The following CNTNAP3 variants were observed in gnomAD, a reference collection of about 807,000 sequenced individuals.
CNTNAP3 encodes contactin associated protein family member 3.
In CNTNAP3, 36 loss-of-function variants were observed where a neutral mutation model predicts 92.1. That is an observed-to-expected ratio of 0.39 (90% confidence interval 0.30 to 0.52). The LOEUF (loss-of-function observed/expected upper bound fraction) is 0.52, where lower values mean the gene tolerates loss of function less well. Among genes scored for constraint, CNTNAP3 ranks in the 20% least tolerant of loss-of-function variants. The pLI is 0.76. For synonymous variants in CNTNAP3, 232 were observed against 422.3 expected (o/e 0.55, Z 5.53); for missense variants, 534 against 1,069.6 (o/e 0.50, Z 6.98).
At position 39,085,751 on chromosome 9, in the gene CNTNAP3, A is replaced by C; in HGVS notation, c.3427T>G (p.Leu1143Val). ...TCCTACTTACCTAAAACCTTTCCCA[A>C]TATGAGAGATTTGACGGCGTTGAAT... Reference protein sequence around the residue: ...TEFNAVKSLILGKVLEAAGAD... With the variant: ...TEFNAVKSLIVGKVLEAAGAD... The change falls in exon 21 of 24, where the codon TTG (leucine) becomes GTG (valine). Residue 1143 changes from leucine to valine, a missense_variant. Coordinates refer to ENST00000297668, the MANE Select transcript of CNTNAP3 (RefSeq NM_033655.5). 2.6e-6 allele frequency: 4 copies of C among 1,555,566 alleles called. 1 individual carries two copies. Among genetic ancestry groups the C allele is most frequent in the Non-Finnish European group, 3.5e-6 (4 of 1,141,778 alleles).
At position 39,149,898 on chromosome 9, in the gene CNTNAP3, A is replaced by T; in HGVS notation, c.1557T>A (p.Ile519=). 1.2e-6 allele frequency: 2 copies of T among 1,607,736 alleles called. No individual in the cohort carries two copies. Among genetic ancestry groups the T allele is most frequent in the Non-Finnish European group, 1.7e-6 (2 of 1,178,316 alleles). Residue 519 remains isoleucine, a synonymous_variant, in exon 10 of 24, where the codon ATT becomes ATA. Transcript: ENST00000297668. Reference sequence around the variant, plus strand: ...AGATGGGATCCACCGCTTTGTCACCAATGGTGATGAGCCTTAGGCAGCCCT... The same window carrying T: ...AGATGGGATCCACCGCTTTGTCACCTATGGTGATGAGCCTTAGGCAGCCCT... ...GFQGCLRLIT[I]GDKAVDPILV...
intron 14 of CNTNAP3, among the ~76,000 whole-genome samples, chr9:39,111,062 C>CA (rs1826736888): frequency 6.6e-6 from 1 of 152,060 alleles, no homozygotes; most frequent in South Asian, 2.1e-4. Context: ...ATTGGCATGT[C>CA]AGAGTTGTAC....
chr9:39,114,218 G>A lies in CNTNAP3; in HGVS notation c.2237+3885C>T, dbSNP rs548639933. Among the ~76,000 whole-genome samples, 56 of 151,672 alleles carry A rather than the reference G, an allele frequency of 3.7e-4. No homozygotes were observed. In the East Asian group the frequency reaches 6.0e-3, roughly 16 times the overall value. ...CTGCCTCAGCCTCCCGAGTAGCTGG[G>A]ACTACAGGCGCCCACCACCATGCCT... is the stretch of plus-strand genomic sequence containing the variant. On this transcript the variant is annotated intron_variant, in intron 14 of 23. Coordinates refer to ENST00000297668, the MANE Select transcript of CNTNAP3 (RefSeq NM_033655.5).
chr9:39,141,466 G>A (rs537810890), intron 11 of CNTNAP3, among the ~76,000 whole-genome samples: 85 of 152,224 alleles, frequency 5.6e-4, no homozygotes, highest in African/African-American at 2.0e-3. Flanking sequence ...TAAGTATTTT[G>A]CAAGTGACAA....
chr9:39,113,113 C>A (rs1179292910), intron 14 of CNTNAP3, among the ~76,000 whole-genome samples: 1 of 151,940 alleles, frequency 6.6e-6, no homozygotes, highest in African/African-American at 2.4e-5. Context: ...TTAGCAGCAC[C>A]CTGATTTCTA....
At chr9:39,082,608 C>T (rs1173292053) in intron 21 of CNTNAP3, among the ~76,000 whole-genome samples, 2 of 152,298 alleles carry the variant, frequency 1.3e-5, no homozygotes, top group African/African-American at 4.8e-5. Context: ...GTGCAAGATG[C>T]TGACAGCACT....
chr9:39,114,340 C>T (rs1019975222), intron 14 of CNTNAP3, among the ~76,000 whole-genome samples: 1 of 152,140 alleles, frequency 6.6e-6, no homozygotes, highest in Admixed American at 6.6e-5. Flanking sequence ...CCGCCTCAGC[C>T]TCCCAAAGTG....
intron 11 of CNTNAP3, among the ~76,000 whole-genome samples, chr9:39,142,569 G>A (rs1249580681): frequency 6.6e-6 from 1 of 151,990 alleles, no homozygotes; most frequent in Non-Finnish European, 1.5e-5. Flanking sequence ...CTACTCGGGA[G>A]GCTGAGGCAG....
intron 12 of CNTNAP3, among the ~76,000 whole-genome samples, chr9:39,137,196 T>C (rs1821460301): frequency 6.6e-6 from 1 of 151,920 alleles, no homozygotes; most frequent in Non-Finnish European, 1.5e-5. Flanking sequence ...TTGGGTTCAG[T>C]CTTTTTTTCT....
intron 9 of CNTNAP3, among the ~76,000 whole-genome samples, 200 bp from the exon 10 acceptor site, chr9:39,150,177 G>A (rs1329289598): frequency 2.0e-5 from 3 of 151,982 alleles, no homozygotes; most frequent in Admixed American, 6.6e-5. Context: ...TTCAGAATAA[G>A]AAATTATGGG....
intron 18 of CNTNAP3, among the ~76,000 whole-genome samples, chr9:39,094,796 C>G (rs920417474): frequency 2.0e-5 from 3 of 151,464 alleles, no homozygotes; most frequent in African/African-American, 7.3e-5. Context: ...CAACTTTGTT[C>G]TTTTGTAAAA....
intron 13 of CNTNAP3, among the ~76,000 whole-genome samples, chr9:39,124,739 C>T (rs1352877695): frequency 6.6e-6 from 1 of 151,806 alleles, no homozygotes; most frequent in African/African-American, 2.4e-5. Flanking sequence ...TTTATGCAGC[C>T]AACAGACACA....
intron 13 of CNTNAP3, among the ~76,000 whole-genome samples, chr9:39,124,821 C>A (rs1253274485): frequency 1.3e-5 from 2 of 152,120 alleles, no homozygotes; most frequent in African/African-American, 4.8e-5. Context: ...CCATTTCACA[C>A]CAGTTAGAAT....
chr9:39,124,068 C>G (rs1450951845), intron 13 of CNTNAP3, among the ~76,000 whole-genome samples: 2 of 151,830 alleles, frequency 1.3e-5, no homozygotes, highest in African/African-American at 4.8e-5. Context: ...GGTAACAGCT[C>G]TAAATAATAC....
At chr9:39,083,775 A>T (rs559657125) in intron 21 of CNTNAP3, among the ~76,000 whole-genome samples, 118 of 152,294 alleles carry the variant, frequency 7.7e-4, no homozygotes, top group African/African-American at 2.7e-3. Flanking sequence ...TTACTGAATT[A>T]TAAAGTATTT....
rs3119732 is a variant in CNTNAP3, at chr9:39,121,940, C to T, written c.2081-3681G>A. On this transcript the variant is annotated intron_variant, in intron 13 of 23. Transcript: ENST00000297668. Reference sequence around the variant, plus strand: ...CACCTAGGGGAATGGAAATACCCAGCACCAGCCCCCTCTACCCTTCTTTTC... The same window carrying T: ...CACCTAGGGGAATGGAAATACCCAGTACCAGCCCCCTCTACCCTTCTTTTC... 2.0e-5 allele frequency among the ~76,000 whole-genome samples: 3 copies of T among 151,236 alleles called. No individual in the cohort carries two copies. In the South Asian group the frequency reaches 6.3e-4, roughly 32 times the overall value.
chr9:39,094,612 T>C (rs1591026), intron 18 of CNTNAP3, among the ~76,000 whole-genome samples: 2 of 151,646 alleles, frequency 1.3e-5, no homozygotes, highest in Non-Finnish European at 3.0e-5. Context: ...TACTTCCCTA[T>C]TGAATGATCT....
At chr9:39,148,258 T>C (rs186047496) in intron 10 of CNTNAP3, among the ~76,000 whole-genome samples, 145 of 152,290 alleles carry the variant, frequency 9.5e-4, no homozygotes, top group Non-Finnish European at 1.6e-3. Flanking sequence ...ATACTCCTCA[T>C]CTTTGAATTA....
intron 23 of CNTNAP3, among the ~76,000 whole-genome samples, chr9:39,076,005 A>G (rs543209870): frequency 6.6e-6 from 1 of 152,420 alleles, no homozygotes; most frequent in African/African-American, 2.4e-5. Flanking sequence ...GCCAGTCCCT[A>G]TTAGAAAATG....
Sources: allele counts gnomAD v4.1 joint callset (sites outside exome capture counted in the v4.1 genomes callset), GRCh38; gene constraint gnomAD v4.1.1; transcripts MANE v1.5; gene names NCBI Gene and HGNC (gene_info 2026-07-23, HGNC 2026-07-21).